The following KANK1 variants were observed in gnomAD, a reference collection of about 807,000 sequenced individuals.
KANK1 encodes KN motif and ankyrin repeat domains 1.
KANK1 carries 109 observed loss-of-function variants against 106.2 expected under a neutral mutation model. The observed-to-expected ratio is 1.03, with a 90% CI of 0.88 to 1.20. The LOEUF is 1.20. KANK1 is among the 50% of genes most tolerant of loss of function. The pLI is 0.00. For missense variants in KANK1, 2,399 were observed against 1,710.7 expected (o/e 1.40, Z -7.10); for synonymous variants, 873 against 652.2 (o/e 1.34, Z -5.16).
intron 1 of KANK1, among the ~76,000 whole-genome samples, chr9:639,360 C>T (rs769551362): frequency 4.6e-5 from 7 of 152,092 alleles, no homozygotes; most frequent in Non-Finnish European, 1.0e-4. Context: ...GAGACTCACT[C>T]TATCACCCGG....
At chr9:606,472 C>G (rs981379676) in intron 1 of KANK1, among the ~76,000 whole-genome samples, 3 of 147,912 alleles carry the variant, frequency 2.0e-5, no homozygotes, top group Non-Finnish European at 4.4e-5. Context: ...AGGAGAATCA[C>G]TTGAACCCAG....
chr9:613,925 C>T (rs890421583), intron 1 of KANK1, among the ~76,000 whole-genome samples: 2 of 152,126 alleles, frequency 1.3e-5, no homozygotes, highest in South Asian at 2.1e-4. Flanking sequence ...TAAAGGATCT[C>T]ATTTCTGCGC....
chr9:511,840 A>G (rs2059039726), intron 1 of KANK1, among the ~76,000 whole-genome samples: 1 of 152,084 alleles, frequency 6.6e-6, no homozygotes, highest in Non-Finnish European at 1.5e-5. Flanking sequence ...ATTTTAGCAA[A>G]TTACCCCCCA....
intron 5 of KANK1, chr9:732,106 C>G (rs1032689273): frequency 1.0e-5 from 3 of 287,590 alleles, no homozygotes; most frequent in African/African-American, 6.4e-5. Context: ...TATGTTTTCT[C>G]ATGATTTATG....
intron 1 of KANK1, among the ~76,000 whole-genome samples, chr9:613,352 T>C (rs1831023055): frequency 6.6e-6 from 1 of 150,860 alleles, no homozygotes; most frequent in Admixed American, 6.7e-5. Flanking sequence ...AGAGCAGAGC[T>C]TCAGTCCTTT....
At chr9:676,771 C>G (rs892821790) in intron 1 of KANK1, 119 bp from the exon 2 acceptor site, 7 of 511,588 alleles carry the variant, frequency 1.4e-5, no homozygotes, top group Non-Finnish European at 2.1e-5. Context: ...TATAGTCTTT[C>G]TCCCCCCATT....
intron 1 of KANK1, among the ~76,000 whole-genome samples, chr9:524,058 C>T (rs1563714193): frequency 6.6e-6 from 1 of 151,554 alleles, no homozygotes; most frequent in African/African-American, 2.4e-5. Flanking sequence ...CTGTTCAGAA[C>T]CCATTATGTG....
intron 1 of KANK1, among the ~76,000 whole-genome samples, chr9:600,224 A>T (rs1023819410): frequency 6.6e-6 from 1 of 151,496 alleles, no homozygotes; most frequent in Non-Finnish European, 1.5e-5. Flanking sequence ...CCTGGCAGCC[A>T]TTCTACTTTC....
Position 620,434 on chromosome 9 carries a change from T to C in KANK1, c.-83-56456T>C, listed in dbSNP as rs1345142252. Among the ~76,000 whole-genome samples, 3 of 152,202 alleles carry C rather than the reference T, an allele frequency of 2.0e-5. 1 individual carries two copies. The highest frequency in any genetic ancestry group is 6.5e-5 in the Admixed American group (1 of 15,294). On this transcript the variant is annotated intron_variant, in intron 1 of 11. Coordinates refer to ENST00000382297, the MANE Select transcript of KANK1 (RefSeq NM_015158.5). ...TTTTTTTTGGAACGGAGTCTCGCAC[T>C]GTCACCCGGGCTGGAGAACAATGAA...
chr9:677,334 GGA>G (rs1816608520), intron 2 of KANK1, among the ~76,000 whole-genome samples: 1 of 152,168 alleles, frequency 6.6e-6, no homozygotes, highest in South Asian at 2.1e-4. Flanking sequence ...GATTGAATGA[GGA>G]GAGAGGAAAT....
At chr9:491,270 A>G (rs1004207042) in intron 3 of KANK1, among the ~76,000 whole-genome samples, 23 of 140,744 alleles carry the variant, frequency 1.6e-4, no homozygotes, top group African/African-American at 5.7e-4. Context: ...CCTGGAGTGC[A>G]TTTTCTTTTT....
At chr9:669,829 G>T (rs180969393) in intron 1 of KANK1, among the ~76,000 whole-genome samples, 15 of 152,056 alleles carry the variant, frequency 9.9e-5, no homozygotes, top group Admixed American at 3.3e-4. Flanking sequence ...CCTCACTCTT[G>T]CTCAACTTTC....
chr9:671,623 A>AAAAAAAAAAAAAGAAAAG (rs79437342), intron 1 of KANK1, among the ~76,000 whole-genome samples: 8 of 103,626 alleles, frequency 7.7e-5, no homozygotes, highest in East Asian at 3.2e-4. Context: ...CTCAAAAAAA[A>AAAAAAAAAAAAAGAAAAG]AAAAGAGTGT....
At chr9:739,397 C>G (rs1441934856) in intron 8 of KANK1, among the ~76,000 whole-genome samples, 1 of 152,222 alleles carries the variant, frequency 6.6e-6, no homozygotes, top group Non-Finnish European at 1.5e-5. Flanking sequence ...CCAATCTCTT[C>G]TGCTCTGTTT....
chr9:705,956 A>G (rs1824036426), intron 2 of KANK1, among the ~76,000 whole-genome samples: 1 of 152,144 alleles, frequency 6.6e-6, no homozygotes, highest in African/African-American at 2.4e-5. Flanking sequence ...AGTCTGGTAC[A>G]AAAGACAAAA....
chr9:649,644 C>T (rs1277135154), intron 1 of KANK1, among the ~76,000 whole-genome samples: 1 of 152,188 alleles, frequency 6.6e-6, no homozygotes, highest in African/African-American at 2.4e-5. Flanking sequence ...TTTGACACTT[C>T]AGTAGTTTTC....
At chr9:567,324 A>G (rs1190576423) in intron 1 of KANK1, among the ~76,000 whole-genome samples, 2 of 152,172 alleles carry the variant, frequency 1.3e-5, no homozygotes, top group African/African-American at 2.4e-5. Flanking sequence ...TTCTATGCCT[A>G]CATCTTAGCA....
chr9:736,193 C>T (rs960312638), intron 7 of KANK1, among the ~76,000 whole-genome samples: 2 of 152,162 alleles, frequency 1.3e-5, no homozygotes, highest in Non-Finnish European at 2.9e-5. Flanking sequence ...CTCCTGACCT[C>T]GTGGTCCGCC....
intron 10 of KANK1, among the ~76,000 whole-genome samples, chr9:743,552 C>G (rs1174912315): frequency 1.3e-5 from 2 of 152,082 alleles, no homozygotes; most frequent in Non-Finnish European, 2.9e-5. Flanking sequence ...TGCTGCTGAC[C>G]AGAGGGAAAT....
Sources: allele counts gnomAD v4.1 joint callset (sites outside exome capture counted in the v4.1 genomes callset), GRCh38; gene constraint gnomAD v4.1.1; transcripts MANE v1.5; gene names NCBI Gene and HGNC (gene_info 2026-07-23, HGNC 2026-07-21).